HOXA3: variants seen among roughly 807,000 people sequenced by gnomAD.
HOXA3 encodes the protein homeobox A3.
HOXA3 carries 8 observed loss-of-function variants against 30.3 expected under a neutral mutation model. The observed-to-expected ratio is 0.26, with a 90% CI of 0.15 to 0.48. The LOEUF is 0.48. Ranked by LOEUF, HOXA3 falls within the 20% of genes least tolerant of loss-of-function variation. The pLI, the probability that HOXA3 is intolerant of heterozygous loss-of-function variation, is 0.99. For synonymous variants in HOXA3, 323 were observed against 273.1 expected (o/e 1.18, Z -1.80); for missense variants, 653 against 614.4 (o/e 1.06, Z -0.66).
intron 5 of HOXA3, among the ~76,000 whole-genome samples, chr7:27,109,090 T>G (rs917680801): frequency 6.6e-6 from 1 of 152,154 alleles, no homozygotes; most frequent in African/African-American, 2.4e-5. Context: ...CTCTTCACAG[T>G]AACTGAAATG....
intron 4 of HOXA3, among the ~76,000 whole-genome samples, chr7:27,118,223 T>A (rs1173654340): frequency 1.3e-5 from 2 of 152,112 alleles, no homozygotes; most frequent in Non-Finnish European, 2.9e-5. Flanking sequence ...CCATGAGTGC[T>A]GAAAACTGCA....
chr7:27,113,884 C>CCCCT lies in HOXA3; in HGVS notation c.-120-3128_-120-3125dup, dbSNP rs1784525614. The CCCCT allele has an allele frequency of 6.6e-6, 1 of 150,622 alleles. No individual in the cohort carries two copies. The highest frequency in any genetic ancestry group is 2.4e-5 in the African/African-American group (1 of 41,180). The allele number at this position is 150,622 out of a possible 1,614,324, so 9.3% of individuals were successfully genotyped here. A position where few individuals can be genotyped will look rare whatever the true frequency, so the allele number is the denominator to read the frequency against. ...CCCTCCCACCCACCCCACCCACCCA[C>CCCCT]CCCTCCCCCACACCCCCGCCCCCTG... On this transcript the variant is annotated intron_variant, in intron 4 of 5. Coordinates refer to ENST00000612286, the MANE Select transcript of HOXA3 (RefSeq NM_153631.3). The surrounding 1 kb of genome is among the most constrained non-coding windows in gnomAD (Gnocchi z 4.8).
At position 27,108,438 on chromosome 7, in the gene HOXA3, G is replaced by T. The variant is rs141075773; in HGVS notation, c.809C>A (p.Pro270His). 5.8e-5 allele frequency: 93 copies of T among 1,613,808 alleles called. No individual in the cohort carries two copies. Among genetic ancestry groups the T allele is most frequent in the Non-Finnish European group, 7.5e-5 (88 of 1,179,928 alleles). ...GTTCAGATAGCCACCGGCTCCGGGG[G>T]GCACGGGGCTGCGACTTGGAGACTG... is the stretch of plus-strand genomic sequence containing the variant. ...GGQSPSRSPVPPGAGGYLNSM... is the reference protein window; with the variant it reads ...GGQSPSRSPVHPGAGGYLNSM... Residue 270 changes from proline to histidine, a missense_variant, in exon 6 of 6, where the codon CCC becomes CAC. By Grantham distance (77) the Pro-to-His change is moderately conservative. Coordinates refer to ENST00000612286, the MANE Select transcript of HOXA3 (RefSeq NM_153631.3). The surrounding 1 kb of genome is among the most constrained non-coding windows in gnomAD (Gnocchi z 5.0).
At chr7:27,147,576 G>A in intron 1 of HOXA3, 1 of 1,614,248 alleles carries the variant, frequency 6.2e-7, no homozygotes, top group South Asian at 1.1e-5. Flanking sequence ...TGGACTGTTG[G>A]TAGAAACAAG....
intron 2 of HOXA3, among the ~76,000 whole-genome samples, chr7:27,132,458 TTAAAC>T (rs1309272474): frequency 6.6e-6 from 1 of 152,230 alleles, no homozygotes; most frequent in Non-Finnish European, 1.5e-5. Flanking sequence ...GGACTAATCT[TTAAAC>T]TAATTTAGGA....
chr7:27,142,987 G>C, intron 1 of HOXA3: 1 of 1,421,320 alleles, frequency 7.0e-7, no homozygotes, highest in Admixed American at 2.4e-5. Context: ...AGAGAAGAGA[G>C]GGGGGACCGA....
At chr7:27,148,136 C>T (rs545857055) in intron 1 of HOXA3, among the ~76,000 whole-genome samples, 40 of 152,398 alleles carry the variant, frequency 2.6e-4, no homozygotes, top group Admixed American at 1.4e-3. Context: ...CGCCAGGTCC[C>T]CTCCTTCCTC....
At chr7:27,121,747 C>T (rs1365931396) in intron 4 of HOXA3, among the ~76,000 whole-genome samples, 1 of 152,182 alleles carries the variant, frequency 6.6e-6, no homozygotes, top group Admixed American at 6.5e-5. Flanking sequence ...TTCCTTCATA[C>T]CATGCTTCTG....
chr7:27,112,086 C>T (rs1404231681), intron 4 of HOXA3, among the ~76,000 whole-genome samples: 1 of 152,198 alleles, frequency 6.6e-6, no homozygotes, highest in African/African-American at 2.4e-5. Flanking sequence ...AAGCAGTTTG[C>T]AAAAGTTAAA....
At position 27,152,400 on chromosome 7, in the gene HOXA3, G is replaced by A. The variant is rs1783006844; in HGVS notation, c.-606C>T. Reference sequence around the variant, plus strand: ...CCAGAGGACGCAGGAAATTAGCCAGGTTGCGAGTTGCAAAGCTGCTGCCGC... The same window carrying A: ...CCAGAGGACGCAGGAAATTAGCCAGATTGCGAGTTGCAAAGCTGCTGCCGC... On this transcript the variant is annotated 5_prime_UTR_variant, in exon 1 of 6. Transcript: ENST00000612286. 8.5e-7 allele frequency: 1 copy of A among 1,169,626 alleles called. No homozygotes were observed. Among genetic ancestry groups the A allele is most frequent in the African/African-American group, 1.6e-5 (1 of 61,020 alleles). The allele number at this position is 1,169,626 out of a possible 1,614,324, so 72.5% of individuals were successfully genotyped here. A position where few individuals can be genotyped will look rare whatever the true frequency, so the allele number is the denominator to read the frequency against.
At chr7:27,118,135 C>T (rs772390941) in intron 4 of HOXA3, among the ~76,000 whole-genome samples, 3 of 152,222 alleles carry the variant, frequency 2.0e-5, no homozygotes, top group African/African-American at 4.8e-5. Context: ...TATGAACAAT[C>T]GGCGGAAATA....
At chr7:27,133,398 C>G (rs1191368541) in intron 2 of HOXA3, among the ~76,000 whole-genome samples, 1 of 152,100 alleles carries the variant, frequency 6.6e-6, no homozygotes, top group Non-Finnish European at 1.5e-5. Flanking sequence ...TGAAGTTTAC[C>G]AGCAGCATCT....
chr7:27,113,497 C>T lies in HOXA3; in HGVS notation c.-120-2737G>A, dbSNP rs915740404. The T allele has an allele frequency of 6.6e-6, 1 of 152,254 alleles. No homozygotes were observed. Among genetic ancestry groups the T allele is most frequent in the Non-Finnish European group, 1.5e-5 (1 of 68,066 alleles). 9.4% of individuals were successfully genotyped at this position (152,254 alleles called of 1,614,324 possible). A position where few individuals can be genotyped will look rare whatever the true frequency, so the allele number is the denominator to read the frequency against. On this transcript the variant is annotated intron_variant, in intron 4 of 5. Transcript: ENST00000612286. The surrounding 1 kb of genome is among the most constrained non-coding windows in gnomAD (Gnocchi z 4.8). ...GAACTCGAAGTGTAAGGGTATCAGTCACTGCCGGGAAGGAAGCTCCGGCTT... is the reference window on the plus strand; with the variant it reads ...GAACTCGAAGTGTAAGGGTATCAGTTACTGCCGGGAAGGAAGCTCCGGCTT...
rs1238965757 is a variant in HOXA3 at position 27,107,733 on chromosome 7, T to C, written c.*182A>G. On this transcript the variant is annotated 3_prime_UTR_variant, in exon 6 of 6. Transcript: ENST00000612286. ...CAGCAACCAAGATTGCTACGTCACA[T>C]AAACTATAAAAACGCCTTACCAACG... 1 of 467,682 alleles carries C rather than the reference T, an allele frequency of 2.1e-6. No individual in the cohort carries two copies. Among genetic ancestry groups the C allele is most frequent in the Non-Finnish European group, 3.6e-6 (1 of 274,192 alleles). 29.0% of individuals were successfully genotyped at this position (467,682 alleles called of 1,614,324 possible). A position where few individuals can be genotyped will look rare whatever the true frequency, so the allele number is the denominator to read the frequency against.
rs1784273162 is a variant in HOXA3, at chr7:27,110,059, A to AGAG, written c.526+55_526+56insCTC. ...GGCTGTGCTGGATGTCGTGGGCAGTAGCTTGGGGACCAGGAGCCAGGCCAG... is the reference window on the plus strand; with the variant it reads ...GGCTGTGCTGGATGTCGTGGGCAGTAGAGGCTTGGGGACCAGGAGCCAGGCCAG... On this transcript the variant is annotated intron_variant, in intron 5 of 5. Coordinates refer to ENST00000612286, the MANE Select transcript of HOXA3 (RefSeq NM_153631.3). 1.5e-5 allele frequency: 24 copies of AGAG among 1,607,012 alleles called. No homozygotes were observed. The South Asian group carries it at 2.6e-4, about 18-fold the overall frequency.
chr7:27,139,404 TG>T (rs1785825757), intron 2 of HOXA3, among the ~76,000 whole-genome samples: 1 of 152,140 alleles, frequency 6.6e-6, no homozygotes, highest in African/African-American at 2.4e-5. Flanking sequence ...GGATCCACCT[TG>T]CAACCCGGGG....
intron 1 of HOXA3, chr7:27,151,238 G>A (rs1226591312): frequency 5.5e-6 from 1 of 181,232 alleles, no homozygotes; most frequent in Admixed American, 5.9e-5. Context: ...GTCGCTGTCC[G>A]AGGAGTTCTC....
At chr7:27,137,640 A>G (rs576537611) in intron 2 of HOXA3, among the ~76,000 whole-genome samples, 49 of 152,348 alleles carry the variant, frequency 3.2e-4, no homozygotes, top group African/African-American at 1.2e-3. Flanking sequence ...TTCCAGTAAC[A>G]CATAGGTCTG....
chr7:27,110,447 T>C lies in HOXA3; in HGVS notation c.194A>G (p.His65Arg). 1 of 1,584,826 alleles carries C rather than the reference T, an allele frequency of 6.3e-7. No individual in the cohort carries two copies. Residue 65 changes from histidine (H) to arginine (R), a missense_variant, in exon 5 of 6, where the codon CAC becomes CGC. Coordinates refer to ENST00000612286, the MANE Select transcript of HOXA3 (RefSeq NM_153631.3). ...PSSAGGHPKA[H>R]ELSEACLRTL... ...GCGCAGGCACGCCTCACTCAGTTCG[T>C]GTGCCTTGGGGTGGCCCCCGGCGCT...
Sources: allele counts gnomAD v4.1 joint callset (sites outside exome capture counted in the v4.1 genomes callset), GRCh38; gene constraint gnomAD v4.1.1; non-coding constraint Gnocchi (gnomAD v3.1); transcripts MANE v1.5; gene names NCBI Gene and HGNC (gene_info 2026-07-23, HGNC 2026-07-21).